The following LARGE1 variants were observed in gnomAD, a reference collection of about 807,000 sequenced individuals.
LARGE1 encodes the protein LARGE xylosyl- and glucuronyltransferase 1.
Under a neutral mutation model 87.6 loss-of-function variants are expected in LARGE1, and 43 were observed. That is an observed-to-expected ratio of 0.49 (90% CI 0.38 to 0.63). The LOEUF (loss-of-function observed/expected upper bound fraction) is 0.63. LARGE1 is among the 30% of genes least tolerant of loss of function. LARGE1 has a pLI of 0.00. For missense variants in LARGE1, 802 were observed against 1,000.2 expected, an observed-to-expected ratio of 0.80 and a Z score of 2.67; for synonymous variants, 434 against 394.6, an observed-to-expected ratio of 1.10 and a Z score of -1.18.
At chr22:33,682,127 C>G (rs1054750086) in intron 2 of LARGE1, among the ~76,000 whole-genome samples, 1 of 152,214 alleles carries the variant, frequency 6.6e-6, no homozygotes, top group African/African-American at 2.4e-5. Flanking sequence ...TCACCTGACA[C>G]GTTAACGTGC....
intron 1 of LARGE1, among the ~76,000 whole-genome samples, chr22:33,833,413 C>T (rs1196496350): frequency 2.0e-5 from 3 of 151,994 alleles, no homozygotes; most frequent in Admixed American, 6.6e-5. Context: ...GACCAGTGTC[C>T]TTATAAGAAG....
chr22:33,387,975 C>T (rs1250388781), intron 7 of LARGE1, among the ~76,000 whole-genome samples: 1 of 152,152 alleles, frequency 6.6e-6, no homozygotes, highest in Admixed American at 6.5e-5. Flanking sequence ...GCCAGTATTC[C>T]CAGGGGTCTG....
chr22:33,516,902 C>G (rs1219195393), intron 6 of LARGE1, among the ~76,000 whole-genome samples: 5 of 152,154 alleles, frequency 3.3e-5, no homozygotes, highest in Admixed American at 6.5e-5. Flanking sequence ...CCTATTTAAG[C>G]ACCTCTGTCC....
At chr22:33,577,755 A>G (rs1321455383) in intron 5 of LARGE1, among the ~76,000 whole-genome samples, 2 of 152,262 alleles carry the variant, frequency 1.3e-5, no homozygotes, top group Non-Finnish European at 2.9e-5. Context: ...GAGTTTAAAC[A>G]CACGGACAGC....
chr22:33,636,988 G>A (rs1467064372), intron 3 of LARGE1, among the ~76,000 whole-genome samples: 1 of 152,156 alleles, frequency 6.6e-6, no homozygotes, highest in Non-Finnish European at 1.5e-5. Flanking sequence ...TAAGGTCTGA[G>A]CCCCAAATTT....
intron 11 of LARGE1, among the ~76,000 whole-genome samples, chr22:33,188,632 A>G (rs2146186241): frequency 6.6e-6 from 1 of 152,266 alleles, no homozygotes. Flanking sequence ...AGCCATCTGG[A>G]CTCTAAATAC....
At chr22:33,831,100 CTTT>C (rs5845117) in intron 1 of LARGE1, among the ~76,000 whole-genome samples, 2 of 137,176 alleles carry the variant, frequency 1.5e-5, no homozygotes, top group Non-Finnish European at 1.5e-5. Context: ...TTTCTTTTTT[CTTT>C]TTTTTTTTTT....
chr22:33,897,048 C>A (rs1441807807), intron 1 of LARGE1, among the ~76,000 whole-genome samples: 3 of 152,152 alleles, frequency 2.0e-5, no homozygotes, highest in South Asian at 2.1e-4. Context: ...TTCACCCCAA[C>A]GTTAGCAGAT....
intron 1 of LARGE1, among the ~76,000 whole-genome samples, chr22:33,856,009 T>C (rs2063744993): frequency 6.6e-6 from 1 of 152,204 alleles, no homozygotes; most frequent in South Asian, 2.1e-4. Context: ...CCCGCACCTC[T>C]GTGCTGCTTA....
intron 1 of LARGE1, among the ~76,000 whole-genome samples, chr22:33,872,482 T>A (rs946551804): frequency 6.6e-6 from 1 of 151,702 alleles, no homozygotes; most frequent in East Asian, 1.9e-4. Context: ...TCATCACCAG[T>A]GTCATCATCG....
intron 6 of LARGE1, among the ~76,000 whole-genome samples, chr22:33,484,505 T>C (rs2069479015): frequency 6.6e-6 from 1 of 152,208 alleles, no homozygotes; most frequent in Non-Finnish European, 1.5e-5. Flanking sequence ...GTGAGAGCTA[T>C]GTTACAGAAC....
Position 33,760,725 on chromosome 22 carries a change from T to C in LARGE1, c.106+646A>G, listed in dbSNP as rs751637621. On this transcript the variant is annotated intron_variant, in intron 2 of 14. Coordinates refer to ENST00000397394, the MANE Select transcript of LARGE1 (RefSeq NM_133642.5). ...TCACAAGGTCAAGAGATGGAGACCATCCTGGCCAACATGGTGAAACCCCAT... is the reference window on the plus strand; with the variant it reads ...TCACAAGGTCAAGAGATGGAGACCACCCTGGCCAACATGGTGAAACCCCAT... 7.2e-5 allele frequency among the ~76,000 whole-genome samples: 11 copies of C among 152,198 alleles called. No individual in the cohort carries two copies. The Middle Eastern group carries it at 0.01, about 141-fold the overall frequency.
intron 7 of LARGE1, among the ~76,000 whole-genome samples, chr22:33,423,276 A>G (rs974641111): frequency 6.6e-6 from 1 of 152,178 alleles, no homozygotes. Flanking sequence ...CATTTACTAT[A>G]GCCAAACCTG....
chr22:33,667,103 A>G (rs2081290356), intron 2 of LARGE1, among the ~76,000 whole-genome samples: 1 of 152,228 alleles, frequency 6.6e-6, no homozygotes, highest in African/African-American at 2.4e-5. Context: ...TAAGGGTTAT[A>G]ATTACTCAGC....
At chr22:33,467,299 G>A (rs946234607) in intron 6 of LARGE1, among the ~76,000 whole-genome samples, 3 of 152,204 alleles carry the variant, frequency 2.0e-5, no homozygotes, top group Non-Finnish European at 4.4e-5. Context: ...AAAGGAAATG[G>A]TGTTGGCTGA....
chr22:33,248,921 G>C lies in LARGE1; in HGVS notation c.1730+55308C>G, dbSNP rs571881642. On this transcript the variant is annotated intron_variant, in intron 11 of 11. Transcript: ENST00000608642. ...TTTCAGAGCGGAATAATATCCCATT[G>C]TCAGGATGTACCACAGTTTATGTAT... Among the ~76,000 whole-genome samples the C allele has an allele frequency of 2.0e-5, 3 of 152,320 alleles. No homozygotes were observed. The South Asian group carries it at 6.2e-4, about 32-fold the overall frequency.
intron 7 of LARGE1, among the ~76,000 whole-genome samples, chr22:33,424,937 G>C (rs913720322): frequency 1.1e-4 from 17 of 152,180 alleles, no homozygotes; most frequent in African/African-American, 3.4e-4. Flanking sequence ...CATGAAGGTA[G>C]GGACTTCATT....
At chr22:33,656,115 T>G (rs1555986182) in intron 2 of LARGE1, among the ~76,000 whole-genome samples, 1 of 151,996 alleles carries the variant, frequency 6.6e-6, no homozygotes, top group Non-Finnish European at 1.5e-5. Context: ...ATATCAGGCT[T>G]ACACAGAGTA....
chr22:33,513,816 C>CACACACACAT (rs1201932497), intron 6 of LARGE1, among the ~76,000 whole-genome samples: 140 of 149,080 alleles, frequency 9.4e-4, no homozygotes, highest in African/African-American at 3.4e-3. Flanking sequence ...CTGATGTACA[C>CACACACACAT]ACACACACAC....
Sources: allele counts gnomAD v4.1 joint callset (sites outside exome capture counted in the v4.1 genomes callset), GRCh38; gene constraint gnomAD v4.1.1; transcripts MANE v1.5; gene names NCBI Gene and HGNC (gene_info 2026-07-23, HGNC 2026-07-21).